LDB3: variants seen among roughly 807,000 people sequenced by gnomAD.
The protein encoded by LDB3 is LIM domain binding 3, also known as LIM domain-binding protein 3.
LDB3 carries 49 observed loss-of-function variants against 69.0 expected under a neutral mutation model. The observed-to-expected ratio is 0.71, with a 90% CI of 0.56 to 0.90. The LOEUF (loss-of-function observed/expected upper bound fraction) is 0.90. Ranked by LOEUF, LDB3 falls within the 40% of genes least tolerant of loss-of-function variation. The pLI is 0.00. For missense variants in LDB3, 928 were observed against 974.1 expected, an observed-to-expected ratio of 0.95 and a Z score of 0.63; for synonymous variants, 387 against 396.2, an observed-to-expected ratio of 0.98 and a Z score of 0.28.
intron 12 of LDB3, among the ~76,000 whole-genome samples, chr10:86,723,062 T>G (rs1847137717): frequency 6.7e-6 from 1 of 149,434 alleles, no homozygotes; most frequent in Non-Finnish European, 1.5e-5. Flanking sequence ...AGCCCAGGAG[T>G]TCAAGAACAG....
intron 9 of LDB3, 36 bp from the exon 10 acceptor site, chr10:86,716,291 A>G (rs1846865911): frequency 6.2e-7 from 1 of 1,609,022 alleles, no homozygotes; most frequent in Admixed American, 1.7e-5. Context: ...TGAATTCCTG[A>G]CACACCTTTC....
At chr10:86,690,216 C>T (rs537697135) in intron 5 of LDB3, among the ~76,000 whole-genome samples, 1 of 152,304 alleles carries the variant, frequency 6.6e-6, no homozygotes, top group Admixed American at 6.5e-5. Flanking sequence ...ACCCACTGCA[C>T]AGTTCACACT....
At position 86,732,874 on chromosome 10, in the gene LDB3, T is replaced by C; in HGVS notation, c.2095-13T>C. ...GCCACGTGGGTCTCACGCAGGTCTG[T>C]TCTCTGCTCCAGGTCTGCCATGTGA... is the stretch of plus-strand genomic sequence containing the variant. On this transcript the variant is annotated splice_polypyrimidine_tract_variant and intron_variant, in intron 13 of 13. Transcript: ENST00000361373. 2.5e-6 allele frequency: 4 copies of C among 1,610,508 alleles called. No individual in the cohort carries two copies. Among genetic ancestry groups the C allele is most frequent in the Non-Finnish European group, 3.4e-6 (4 of 1,177,160 alleles).
chr10:86,685,812 A>G, intron 5 of LDB3: 2 of 1,258,344 alleles, frequency 1.6e-6, no homozygotes, highest in African/African-American at 1.5e-5. Flanking sequence ...ATGTATGTGC[A>G]TATGTATGAG....
chr10:86,680,376 C>A (rs1845045621), intron 4 of LDB3, among the ~76,000 whole-genome samples: 1 of 152,246 alleles, frequency 6.6e-6, no homozygotes, highest in Non-Finnish European at 1.5e-5. Flanking sequence ...GGAATGAATG[C>A]CTGCCTGGGT....
At chr10:86,707,519 C>G (rs7099341) in intron 8 of LDB3, among the ~76,000 whole-genome samples, 2,088 of 152,204 alleles carry the variant, frequency 0.014, 42 homozygotes, top group African/African-American at 0.048. Context: ...GCTGACAGGT[C>G]ACTCTGCAGT....
intron 12 of LDB3, among the ~76,000 whole-genome samples, chr10:86,720,260 A>C (rs1250427781): frequency 2.6e-5 from 4 of 152,096 alleles, no homozygotes; most frequent in Admixed American, 6.6e-5. Context: ...GCCTGGCCAA[A>C]ATGGTGAAAC....
chr10:86,716,308 T>C lies in LDB3; in HGVS notation c.1232-19T>C, dbSNP rs775005024. 2.5e-6 allele frequency: 4 copies of C among 1,606,824 alleles called. No homozygotes were observed. The highest frequency in any genetic ancestry group is 3.4e-6 in the Non-Finnish European group (4 of 1,175,886). On this transcript the variant is annotated intron_variant, in intron 9 of 13. Coordinates refer to ENST00000361373, the MANE Select transcript of LDB3 (RefSeq NM_007078.3). ...AATTCCTGACACACCTTTCTTTGGG[T>C]TTTTTTTGGCTTTTGCAGTGCCTGC...
intron 2 of LDB3, among the ~76,000 whole-genome samples, chr10:86,671,133 G>T (rs1161034662): frequency 6.6e-6 from 1 of 152,214 alleles, no homozygotes; most frequent in African/African-American, 2.4e-5. Flanking sequence ...GGGGTGGGCA[G>T]GCAGGCGAGG....
chr10:86,720,688 A>T (rs1847051200), intron 12 of LDB3, among the ~76,000 whole-genome samples: 1 of 152,234 alleles, frequency 6.6e-6, no homozygotes, highest in South Asian at 2.1e-4. Flanking sequence ...TACTAAAAGC[A>T]TTATAACTTC....
intron 5 of LDB3, chr10:86,687,325 A>G (rs111941601): frequency 1.3e-6 from 2 of 1,533,592 alleles, no homozygotes; most frequent in Non-Finnish European, 1.8e-6. Flanking sequence ...CCCGAGGGGT[A>G]TGGGCCATTG....
At chr10:86,702,989 C>A (rs1381837241) in intron 7 of LDB3, among the ~76,000 whole-genome samples, 1 of 152,172 alleles carries the variant, frequency 6.6e-6, no homozygotes. Flanking sequence ...CTAGGGCCCA[C>A]ATCCAGCTCC....
intron 7 of LDB3, among the ~76,000 whole-genome samples, chr10:86,701,559 T>C (rs1846264162): frequency 6.6e-6 from 1 of 152,208 alleles, no homozygotes; most frequent in South Asian, 2.1e-4. Context: ...GCCTGACTAC[T>C]ATGGGTGCTA....
chr10:86,717,465 C>T (rs922629906), intron 10 of LDB3, among the ~76,000 whole-genome samples: 1 of 152,228 alleles, frequency 6.6e-6, no homozygotes, highest in Non-Finnish European at 1.5e-5. Context: ...AGTTTGTATC[C>T]TGGTCTACCA....
At chr10:86,728,704 C>G (rs1847356907) in intron 13 of LDB3, among the ~76,000 whole-genome samples, 1 of 150,924 alleles carries the variant, frequency 6.6e-6, no homozygotes, top group Admixed American at 6.6e-5. Context: ...GCCTCAGGCT[C>G]CTGAGTAGCT....
In LDB3 at chr10:86,733,732, A is replaced by T. The variant is rs1390393564; in HGVS notation, c.*756A>T. 1 of 152,198 alleles carries T rather than the reference A, an allele frequency of 6.6e-6. No individual in the cohort carries two copies. Among genetic ancestry groups the T allele is most frequent in the Non-Finnish European group, 1.5e-5 (1 of 68,062 alleles). The allele number at this position is 152,198 out of a possible 1,614,324, so 9.4% of individuals were successfully genotyped here. A position where few individuals can be genotyped will look rare whatever the true frequency, so the allele number is the denominator to read the frequency against. On this transcript the variant is annotated 3_prime_UTR_variant, in exon 14 of 14. Transcript: ENST00000361373. The stretch of plus-strand genomic sequence containing the variant: ...CCCAGAAGGCTTAGCTCCTTTTTGA[A>T]TTGTGATGGGAAAGTAGAGTTGGGT...
Position 86,699,922 on chromosome 10 carries a change from C to T in LDB3, c.897-6609C>T. The T allele has an allele frequency of 1.0e-6, 1 of 1,004,344 alleles. No homozygotes were observed. The highest frequency in any genetic ancestry group is 1.2e-6 in the Non-Finnish European group (1 of 840,452). The allele number at this position is 1,004,344 out of a possible 1,614,324, so 62.2% of individuals were successfully genotyped here. On this transcript the variant is annotated intron_variant, in intron 7 of 13. Coordinates refer to ENST00000361373, the MANE Select transcript of LDB3 (RefSeq NM_007078.3). The surrounding 1 kb of genome is among the most constrained non-coding windows in gnomAD (Gnocchi z 4.9). ...GCCCCAGGGTAATGAGGCAGAGACC[C>T]CTCCTGGCAGTGGTGAGGTGGGGGC... is the stretch of plus-strand genomic sequence containing the variant.
chr10:86,718,611 T>G, intron 11 of LDB3, 116 bp from the exon 12 acceptor site: 30 of 1,405,308 alleles, frequency 2.1e-5, no homozygotes, highest in Non-Finnish European at 2.8e-5. Context: ...GCCTGCATCC[T>G]GAGATCTCCT....
chr10:86,715,897 G>A (rs1256648561), intron 9 of LDB3, among the ~76,000 whole-genome samples: 3 of 152,192 alleles, frequency 2.0e-5, no homozygotes, highest in Non-Finnish European at 4.4e-5. Flanking sequence ...CTTATGCCAA[G>A]GGAGGTATTT....
Sources: allele counts gnomAD v4.1 joint callset (sites outside exome capture counted in the v4.1 genomes callset), GRCh38; gene constraint gnomAD v4.1.1; non-coding constraint Gnocchi (gnomAD v3.1); transcripts MANE v1.5; gene names NCBI Gene and HGNC (gene_info 2026-07-23, HGNC 2026-07-21).